The following FREM2 variants were observed in gnomAD, a reference collection of about 807,000 sequenced individuals.
FREM2 encodes the protein FRAS1 related extracellular matrix 2.
A neutral mutation model predicts 219.9 loss-of-function variants in FREM2; 119 were observed. The ratio of observed to expected loss-of-function variants is 0.54; its 90% CI spans 0.47 to 0.63. The LOEUF is 0.63. Among genes scored for constraint, FREM2 ranks in the 30% least tolerant of loss-of-function variants. The pLI is 0.00. For missense variants in FREM2, 4,030 were observed against 3,993.6 expected, an observed-to-expected ratio of 1.01 and a Z score of -0.25; for synonymous variants, 1,562 against 1,522.8, an observed-to-expected ratio of 1.03 and a Z score of -0.60.
intron 2 of FREM2, among the ~76,000 whole-genome samples, chr13:38,721,590 G>A (rs947755557): frequency 3.9e-5 from 6 of 152,154 alleles, no homozygotes; most frequent in Admixed American, 6.5e-5. Context: ...TGTTGATACT[G>A]ACCCAAAAGG....
Position 38,687,945 on chromosome 13 carries a change from G to T in FREM2, c.601G>T (p.Asp201Tyr). 6.2e-7 allele frequency: 1 copy of T among 1,607,838 alleles called. No homozygotes were observed. The highest frequency in any genetic ancestry group is 1.3e-5 in the African/African-American group (1 of 74,898). ...EELLGTSNALDARSLEFAFQP... is the reference protein window; with the variant it reads ...EELLGTSNALYARSLEFAFQP... ...GCTGCTGGGGACCAGCAATGCCCTG[G>T]ACGCGCGGAGCCTGGAGTTCGCCTT... Residue 201 changes from aspartate (D) to tyrosine (Y), a missense_variant, in exon 1 of 24, where the codon GAC becomes TAC. Asp to Tyr is a radical substitution (Grantham distance 160). Around this residue, in one of 2 missense-constraint regions of FREM2, gnomAD observed 3,102 missense variants for 2,950.7 expected, o/e 1.05. Transcript: ENST00000280481.
chr13:38,862,753 A>G (rs560171430), intron 15 of FREM2, among the ~76,000 whole-genome samples: 76 of 152,120 alleles, frequency 5.0e-4, no homozygotes, highest in Non-Finnish European at 2.9e-4. Flanking sequence ...CTGTTTTCAT[A>G]TGGTCTGCAA....
chr13:38,881,264 T>C lies in FREM2; in HGVS notation c.*477T>C, dbSNP rs73466063. 8.6e-4 allele frequency: 176 copies of C among 204,920 alleles called. 1 individual carries two copies. Among genetic ancestry groups the C allele is most frequent in the African/African-American group, 3.9e-3 (168 of 42,764 alleles). The allele number at this position is 204,920 out of a possible 1,614,324, so 12.7% of individuals were successfully genotyped here. On this transcript the variant is annotated 3_prime_UTR_variant, in exon 24 of 24. Coordinates refer to ENST00000280481, the MANE Select transcript of FREM2 (RefSeq NM_207361.6). ...AAACTGGTGAACACACTGTTTATTA[T>C]GACAAGTTTTCAAATAGGTGAAGAC...
chr13:38,714,907 GA>G (rs1316601146), intron 2 of FREM2, among the ~76,000 whole-genome samples: 2 of 145,420 alleles, frequency 1.4e-5, no homozygotes, highest in East Asian at 4.1e-4. Flanking sequence ...CCAACATGGA[GA>G]AAACCCCCTC....
At chr13:38,724,307 T>C (rs1386262812) in intron 2 of FREM2, among the ~76,000 whole-genome samples, 1 of 152,120 alleles carries the variant, frequency 6.6e-6, no homozygotes, top group African/African-American at 2.4e-5. Flanking sequence ...AAAATAAAAT[T>C]AGTACATTTT....
chr13:38,713,010 C>A (rs530025418), intron 2 of FREM2, among the ~76,000 whole-genome samples: 1 of 152,274 alleles, frequency 6.6e-6, no homozygotes, highest in East Asian at 1.9e-4. Flanking sequence ...CATCCTCTGT[C>A]CAAATAGTCC....
intron 2 of FREM2, among the ~76,000 whole-genome samples, chr13:38,740,599 A>G (rs1220146514): frequency 6.6e-6 from 1 of 152,196 alleles, no homozygotes; most frequent in Non-Finnish European, 1.5e-5. Context: ...GAAATAAATC[A>G]TTCTGTATTC....
chr13:38,747,168 A>C (rs534694120), intron 2 of FREM2, among the ~76,000 whole-genome samples: 86 of 152,256 alleles, frequency 5.6e-4, no homozygotes, highest in Middle Eastern at 6.8e-3. Context: ...AGAAATATAG[A>C]TCTTCCCCAC....
At chr13:38,697,838 G>C (rs1334310662) in intron 2 of FREM2, 51 bp downstream of exon 2, 2 of 1,016,662 alleles carry the variant, frequency 2.0e-6, no homozygotes, top group Non-Finnish European at 3.1e-6. Context: ...CGCTTTTCTT[G>C]GTTGCTCTCT....
At position 38,688,489 on chromosome 13, in the gene FREM2, C is replaced by T. The variant is rs1243704357; in HGVS notation, c.1145C>T (p.Ser382Phe). The T allele has an allele frequency of 6.2e-7, 1 of 1,614,052 alleles. No individual in the cohort carries two copies. The highest frequency in any genetic ancestry group is 2.2e-5 in the East Asian group (1 of 44,818). ...STDDRSLPLS[S>F]FTQRDLRLLK... ...GATGATCGCAGCCTGCCCCTTTCCTCCTTCACTCAGAGGGATCTGCGGCTC... is the reference window on the plus strand; with the variant it reads ...GATGATCGCAGCCTGCCCCTTTCCTTCTTCACTCAGAGGGATCTGCGGCTC... Residue 382 changes from serine to phenylalanine, a missense_variant, in exon 1 of 24, where the codon TCC becomes TTC. Ser to Phe is a radical substitution (Grantham distance 155). Transcript: ENST00000280481.
rs150928081 is a variant in FREM2, at chr13:38,689,406, C to A, written c.2062C>A (p.Arg688=). ...CCCTCCTAATCAGTCCGGGCTACAG[C>A]GGTTTGTGATTCGTATCCATCCTGT... ...HDPPNQSGLQ[R]FVIRIHPVDR... is the part of the protein sequence containing the mutation. Residue 688 remains arginine (R), a synonymous_variant, in exon 1 of 24, where the codon CGG becomes AGG. Transcript: ENST00000280481. 6.2e-7 allele frequency: 1 copy of A among 1,613,816 alleles called. No homozygotes were observed. Among genetic ancestry groups the A allele is most frequent in the Admixed American group, 1.7e-5 (1 of 59,972 alleles).
At chr13:38,867,727 G>C (rs113685643) in intron 16 of FREM2, among the ~76,000 whole-genome samples, 8,463 of 152,316 alleles carry the variant, frequency 0.056, 462 homozygotes, top group African/African-American at 0.14. Flanking sequence ...TGGGAGTTCT[G>C]ATATCCAAGG....
Position 38,859,457 on chromosome 13 carries a change from CA to C in FREM2, c.7388del (p.Lys2463ArgfsTer23). 6.2e-7 allele frequency: 1 copy of C among 1,614,124 alleles called. No individual in the cohort carries two copies. Among genetic ancestry groups the C allele is most frequent in the Non-Finnish European group, 8.5e-7 (1 of 1,180,032 alleles). ...VDFDTFFTSS[K>X]MVTLDSIYFQ... is the part of the protein sequence containing the mutation. The stretch of plus-strand genomic sequence containing the variant: ...ACTTCGACACCTTTTTTACGTCATC[CA>C]AGATGGTCACACTGGACTCCATATA... On this transcript the variant is annotated frameshift_variant, in exon 14 of 24. Transcript: ENST00000280481. LOFTEE classifies it high-confidence loss of function.
chr13:38,747,061 C>T (rs1287337213), intron 2 of FREM2, among the ~76,000 whole-genome samples: 1 of 152,158 alleles, frequency 6.6e-6, no homozygotes, highest in African/African-American at 2.4e-5. Context: ...AGTACAGCAT[C>T]TGTACATTCT....
intron 2 of FREM2, among the ~76,000 whole-genome samples, chr13:38,739,384 C>T (rs542476536): frequency 1.3e-5 from 2 of 152,166 alleles, no homozygotes; most frequent in African/African-American, 4.8e-5. Context: ...GTAAAGGAAC[C>T]AGGAGTGATT....
Position 38,874,534 on chromosome 13 carries a change from G to A in FREM2, c.8229G>A (p.Val2743=). ...MRIGDEGRLA[V]HFKTEAQFHG... ...TCGGTGATGAGGGGCGCTTGGCCGT[G>A]CACTTCAAGACAGAGGCTCAGTTCC... The change falls in exon 18 of 24, where the codon GTG becomes GTA. Residue 2743 remains valine, a synonymous_variant. Coordinates refer to ENST00000280481, the MANE Select transcript of FREM2 (RefSeq NM_207361.6). 1 of 1,614,144 alleles carries A rather than the reference G, an allele frequency of 6.2e-7. No homozygotes were observed. Among genetic ancestry groups the A allele is most frequent in the Non-Finnish European group, 8.5e-7 (1 of 1,180,002 alleles).
intron 6 of FREM2, among the ~76,000 whole-genome samples, chr13:38,792,550 T>C (rs935478560): frequency 6.6e-6 from 1 of 152,172 alleles, no homozygotes; most frequent in Non-Finnish European, 1.5e-5. Flanking sequence ...TTATTCTATG[T>C]TATTTATTAT....
Position 38,689,939 on chromosome 13 carries a change from T to C in FREM2, c.2595T>C (p.Ser865=). Reference sequence around the variant, plus strand: ...TAGACACTGATGTTGCCCATATCTCTTTCACTCTCACTCAGGCACCCAAAC... The same window carrying C: ...TAGACACTGATGTTGCCCATATCTCCTTCACTCTCACTCAGGCACCCAAAC... ...NDVDTDVAHI[S]FTLTQAPKHG... Residue 865 remains serine, a synonymous_variant, in exon 1 of 24, where the codon TCT becomes TCC. Coordinates refer to ENST00000280481, the MANE Select transcript of FREM2 (RefSeq NM_207361.6). The C allele has an allele frequency of 6.2e-7, 1 of 1,614,144 alleles. No individual in the cohort carries two copies. The highest frequency in any genetic ancestry group is 8.5e-7 in the Non-Finnish European group (1 of 1,180,010).
chr13:38,851,171 GT>G (rs1877357250), intron 10 of FREM2, 63 bp downstream of exon 10: 1 of 1,558,528 alleles, frequency 6.4e-7, no homozygotes, highest in South Asian at 1.1e-5. Context: ...CCAAGTCAAG[GT>G]TTTAAGTGAC....
Sources: gnomAD v4.1 joint callset for allele counts (sites outside exome capture counted in the v4.1 genomes callset) on GRCh38, gnomAD v4.1.1 for gene constraint, gnomAD v4.1.1 regional missense constraint, MANE v1.5 for transcripts, NCBI Gene and HGNC (gene_info 2026-07-23, HGNC 2026-07-21) for gene names.